CCDC171: variants seen among roughly 807,000 people sequenced by gnomAD.
The protein encoded by CCDC171 is coiled-coil domain-containing protein 171.
In CCDC171, 177 loss-of-function variants were observed where a neutral mutation model predicts 168.2. That is an observed-to-expected ratio of 1.05 (90% CI 0.93 to 1.19). The LOEUF is 1.19. CCDC171 is among the 50% of genes most tolerant of loss of function. The pLI is 0.00. For synonymous variants in CCDC171, 687 were observed against 540.8 expected (o/e 1.27, Z -3.75); for missense variants, 1,991 against 1,539.0 (o/e 1.29, Z -4.91).
chr9:15,842,642 CTG>C (rs1306154034), intron 21 of CCDC171, among the ~76,000 whole-genome samples: 4 of 151,764 alleles, frequency 2.6e-5, no homozygotes, highest in Non-Finnish European at 4.4e-5. Context: ...TTGTACAACT[CTG>C]TGAATACGTA....
intron 21 of CCDC171, among the ~76,000 whole-genome samples, chr9:15,799,347 C>G (rs890686817): frequency 6.6e-6 from 1 of 151,272 alleles, no homozygotes; most frequent in Non-Finnish European, 1.5e-5. Flanking sequence ...GTTCCCTTCT[C>G]TTCTGGTTTG....
At chr9:15,805,710 G>T (rs751738863) in intron 21 of CCDC171, among the ~76,000 whole-genome samples, 8 of 152,140 alleles carry the variant, frequency 5.3e-5, no homozygotes, top group Non-Finnish European at 1.2e-4. Context: ...GAGATGAGAA[G>T]ACTGTATATT....
chr9:15,924,610 A>C (rs1214591960), intron 25 of CCDC171, among the ~76,000 whole-genome samples: 1 of 151,526 alleles, frequency 6.6e-6, no homozygotes, highest in Non-Finnish European at 1.5e-5. Context: ...CTCTTCTTTG[A>C]TCACCATTAG....
chr9:16,035,379 G>A (rs1293638987), intron 6 of CCDC171: 2 of 152,166 alleles, frequency 1.3e-5, no homozygotes, highest in Non-Finnish European at 2.9e-5. Context: ...TTATGTCTAA[G>A]AGAATTGTCT....
chr9:15,631,564 G>C (rs1368703356), intron 7 of CCDC171, among the ~76,000 whole-genome samples: 1 of 152,168 alleles, frequency 6.6e-6, no homozygotes, highest in Non-Finnish European at 1.5e-5. Flanking sequence ...GGATCAGTTG[G>C]ATTCACAGCC....
At chr9:15,609,767 C>G (rs1045087417) in intron 6 of CCDC171, among the ~76,000 whole-genome samples, 3 of 151,894 alleles carry the variant, frequency 2.0e-5, no homozygotes, top group Non-Finnish European at 4.4e-5. Flanking sequence ...GAGAACTTTC[C>G]TCTGTCTTTA....
intron 24 of CCDC171, among the ~76,000 whole-genome samples, chr9:15,891,136 A>G (rs1820159881): frequency 2.0e-5 from 3 of 152,166 alleles, no homozygotes; most frequent in East Asian, 3.9e-4. Flanking sequence ...AAAGAAACCA[A>G]TTATGGATGT....
At chr9:15,726,533 T>C (rs936639879) in intron 14 of CCDC171, among the ~76,000 whole-genome samples, 2 of 152,202 alleles carry the variant, frequency 1.3e-5, no homozygotes, top group Non-Finnish European at 2.9e-5. Context: ...ATTAACTGCT[T>C]ATGAAAAGGT....
At chr9:15,967,533 G>C (rs928549988) in intron 25 of CCDC171, among the ~76,000 whole-genome samples, 1 of 152,062 alleles carries the variant, frequency 6.6e-6, no homozygotes, top group African/African-American at 2.4e-5. Context: ...ACTGATTTCT[G>C]GGTTAATGTC....
intron 18 of CCDC171, among the ~76,000 whole-genome samples, chr9:15,754,919 A>G (rs1340956584): frequency 2.0e-5 from 3 of 152,174 alleles, no homozygotes; most frequent in Admixed American, 6.5e-5. Context: ...AGGTCAAATG[A>G]AAATACATTG....
rs1008626755 is a variant in CCDC171, at chr9:16,033,869, G to A, written n.999-1588G>A. On this transcript the variant is annotated intron_variant and non_coding_transcript_variant, in intron 6 of 9. Coordinates refer to the CCDC171 transcript ENST00000486641. ...CCAACATCCTATGCTAAGATCGGGT[G>A]GCAGGGCCCCAAGGGCAGGTGTGCC... is the stretch of plus-strand genomic sequence containing the variant. 3.3e-5 allele frequency among the ~76,000 whole-genome samples: 5 copies of A among 152,170 alleles called. No homozygotes were observed. In the East Asian group the frequency reaches 9.6e-4, roughly 29 times the overall value.
chr9:15,867,819 A>G (rs2061855543), intron 23 of CCDC171, among the ~76,000 whole-genome samples: 1 of 152,050 alleles, frequency 6.6e-6, no homozygotes, highest in Non-Finnish European at 1.5e-5. Flanking sequence ...ATCTGTGTGG[A>G]TGAGTGTTAT....
rs36076754 is a variant in CCDC171, at chr9:15,571,711, T to C, written c.129T>C (p.His43=). ...DITDNLRKKL[H]WAKKEKLEIT... ...CTGATAATCTCAGGAAGAAACTCCATTGGGCTAAAAAAGAAAAGTTAGAAA... is the reference window on the plus strand; with the variant it reads ...CTGATAATCTCAGGAAGAAACTCCACTGGGCTAAAAAAGAAAAGTTAGAAA... Residue 43 remains histidine (H), a synonymous_variant, in exon 3 of 26, where the codon CAT becomes CAC. Coordinates refer to ENST00000380701, the MANE Select transcript of CCDC171 (RefSeq NM_173550.4). The C allele has an allele frequency of 8.5e-4, 1,353 of 1,590,286 alleles. 3 individuals carry two copies. In the African/African-American group the frequency reaches 0.014, roughly 16 times the overall value.
intron 21 of CCDC171, among the ~76,000 whole-genome samples, chr9:15,807,888 C>T (rs1407882787): frequency 6.6e-6 from 1 of 151,204 alleles, no homozygotes; most frequent in African/African-American, 2.4e-5. Context: ...AAATATGCCT[C>T]CAGGAAGAAA....
intron 23 of CCDC171, 40 bp downstream of exon 23, chr9:15,848,987 T>C (rs1563865225): frequency 9.8e-7 from 1 of 1,023,460 alleles, no homozygotes; most frequent in Non-Finnish European, 1.4e-6. Flanking sequence ...ATTTGTGTCA[T>C]GACACCTAGT....
rs936840086 is a variant in CCDC171, at chr9:15,664,463, G to A, written c.916-1700G>A. 4.0e-5 allele frequency among the ~76,000 whole-genome samples: 6 copies of A among 151,576 alleles called. No homozygotes were observed. In the East Asian group the frequency reaches 7.8e-4, roughly 20 times the overall value. On this transcript the variant is annotated intron_variant, in intron 8 of 25. Coordinates refer to ENST00000380701, the MANE Select transcript of CCDC171 (RefSeq NM_173550.4). ...GGGGTTTCACCATGTTTCCCAGGCT[G>A]GTCTCAATCTCTTGAGCTCAAATGA...
chr9:15,649,230 C>G lies in CCDC171; in HGVS notation c.823-7897C>G, dbSNP rs533322053. 3.9e-5 allele frequency among the ~76,000 whole-genome samples: 6 copies of G among 152,222 alleles called. No individual in the cohort carries two copies. The South Asian group carries it at 1.2e-3, about 32-fold the overall frequency. ...CTGAAGCTGGATTCCTTCCTTACAC[C>G]TTATACAAAAGTTAATTCAAGATGA... is the stretch of plus-strand genomic sequence containing the variant. On this transcript the variant is annotated intron_variant, in intron 7 of 25. Transcript: ENST00000380701.
chr9:15,807,860 T>G (rs2059150715), intron 21 of CCDC171, among the ~76,000 whole-genome samples: 1 of 151,268 alleles, frequency 6.6e-6, no homozygotes, highest in Non-Finnish European at 1.5e-5. Flanking sequence ...GGAATCTTCC[T>G]TCTTGCTCCA....
chr9:16,045,729 C>T (rs976224307), intron 1 of CCDC171, among the ~76,000 whole-genome samples: 2 of 152,190 alleles, frequency 1.3e-5, no homozygotes, highest in African/African-American at 4.8e-5. Flanking sequence ...ACTCAGCAGA[C>T]AGCTGCTGGG....
Sources: allele counts gnomAD v4.1 joint callset (sites outside exome capture counted in the v4.1 genomes callset), GRCh38; gene constraint gnomAD v4.1.1; transcripts MANE v1.5; gene names NCBI Gene and HGNC (gene_info 2026-07-23, HGNC 2026-07-21).